XKR4: variants seen among roughly 807,000 people sequenced by gnomAD.
XKR4 encodes the protein XK-related protein 4.
A neutral mutation model predicts 53.9 loss-of-function variants in XKR4; 12 were observed. That is an observed-to-expected ratio of 0.22 (90% CI 0.14 to 0.36). The LOEUF is 0.36. Among genes scored for constraint, XKR4 ranks in the 10% least tolerant of loss-of-function variants. The pLI, the probability that XKR4 is intolerant of heterozygous loss-of-function variation, is 1.00. For synonymous variants in XKR4, 354 were observed against 362.4 expected (o/e 0.98, Z 0.26); for missense variants, 799 against 859.5 (o/e 0.93, Z 0.88).
chr8:55,218,336 G>A (rs1210261407), intron 1 of XKR4, among the ~76,000 whole-genome samples: 1 of 152,150 alleles, frequency 6.6e-6, no homozygotes, highest in Non-Finnish European at 1.5e-5. Flanking sequence ...CTAGAAAAAG[G>A]AAGCATTTCA....
chr8:55,387,721 GA>G (rs1804344057), intron 2 of XKR4, among the ~76,000 whole-genome samples: 1 of 152,218 alleles, frequency 6.6e-6, no homozygotes, highest in Non-Finnish European at 1.5e-5. Context: ...ACTGGTGGGA[GA>G]GGGGAACCAC....
intron 2 of XKR4, among the ~76,000 whole-genome samples, chr8:55,463,972 A>G (rs1475287872): frequency 2.6e-5 from 4 of 152,176 alleles, no homozygotes; most frequent in Admixed American, 2.6e-4. Flanking sequence ...TCTGAAATTG[A>G]GGCAATAATT....
At chr8:55,217,464 G>T (rs1051039189) in intron 1 of XKR4, among the ~76,000 whole-genome samples, 3 of 152,110 alleles carry the variant, frequency 2.0e-5, no homozygotes, top group African/African-American at 4.8e-5. Flanking sequence ...CCTACATACT[G>T]CCAGTAAGAG....
At chr8:55,398,909 G>T (rs1199659133) in intron 2 of XKR4, among the ~76,000 whole-genome samples, 1 of 152,172 alleles carries the variant, frequency 6.6e-6, no homozygotes, top group African/African-American at 2.4e-5. Context: ...ATGTTTTAGT[G>T]CATGTGGAGC....
intron 1 of XKR4, among the ~76,000 whole-genome samples, chr8:55,261,380 AAT>A (rs779929227): frequency 6.6e-5 from 10 of 152,222 alleles, no homozygotes; most frequent in Non-Finnish European, 1.0e-4. Flanking sequence ...GATAACTTAA[AAT>A]ATGTTTTCTA....
chr8:55,280,511 C>T (rs1193971511), intron 1 of XKR4, among the ~76,000 whole-genome samples: 3 of 152,176 alleles, frequency 2.0e-5, no homozygotes, highest in Non-Finnish European at 4.4e-5. Context: ...TGCATCTATC[C>T]CCCTCATCTT....
intron 2 of XKR4, among the ~76,000 whole-genome samples, chr8:55,515,247 T>C (rs1806694987): frequency 6.6e-6 from 1 of 152,188 alleles, no homozygotes; most frequent in Non-Finnish European, 1.5e-5. Context: ...TTAAAGCATT[T>C]AAATATTTTT....
intron 1 of XKR4, among the ~76,000 whole-genome samples, chr8:55,257,083 C>A (rs1412608262): frequency 6.6e-6 from 1 of 152,160 alleles, no homozygotes; most frequent in Admixed American, 6.6e-5. Context: ...TCTCTTAATA[C>A]CATCACATTG....
intron 1 of XKR4, among the ~76,000 whole-genome samples, chr8:55,266,811 C>G (rs999453475): frequency 6.6e-6 from 1 of 152,174 alleles, no homozygotes; most frequent in Non-Finnish European, 1.5e-5. Flanking sequence ...GACCCCTCCT[C>G]TGAGTTTGTC....
At chr8:55,241,769 G>T (rs1187809815) in intron 1 of XKR4, among the ~76,000 whole-genome samples, 2 of 152,114 alleles carry the variant, frequency 1.3e-5, no homozygotes, top group Non-Finnish European at 2.9e-5. Context: ...TCCAGAGGTG[G>T]ATTTTAATCT....
At chr8:55,443,617 A>G (rs1585575608) in intron 2 of XKR4, among the ~76,000 whole-genome samples, 1 of 148,626 alleles carries the variant, frequency 6.7e-6, no homozygotes, top group African/African-American at 2.5e-5. Flanking sequence ...GCCGAGGCAG[A>G]TGGATCATGA....
chr8:55,477,656 G>GA (rs1053928106), intron 2 of XKR4, among the ~76,000 whole-genome samples: 7 of 151,826 alleles, frequency 4.6e-5, no homozygotes, highest in East Asian at 1.9e-4. Context: ...TAAAAACGGT[G>GA]AAAAAAAATT....
intron 2 of XKR4, among the ~76,000 whole-genome samples, chr8:55,493,162 A>G (rs549143384): frequency 1.3e-5 from 2 of 152,306 alleles, no homozygotes; most frequent in Admixed American, 1.3e-4. Flanking sequence ...TAAATTAAGG[A>G]ATTAAGAGAC....
chr8:55,481,211 A>G (rs4738163), intron 2 of XKR4, among the ~76,000 whole-genome samples: 116,429 of 151,978 alleles, frequency 0.77, 45,359 homozygotes, highest in African/African-American at 0.91. Context: ...TAAGATCAAC[A>G]AAACAGAACA....
At chr8:55,343,849 G>T (rs1285348727) in intron 1 of XKR4, among the ~76,000 whole-genome samples, 2 of 152,176 alleles carry the variant, frequency 1.3e-5, no homozygotes, top group African/African-American at 2.4e-5. Flanking sequence ...ATGAATGAAT[G>T]AATAAATAAT....
rs930759385 is a variant in XKR4 at position 55,535,191 on chromosome 8, G to T, written c.*10964G>T. 6.6e-6 allele frequency: 1 copy of T among 150,778 alleles called. No homozygotes were observed. The allele number at this position is 150,778 out of a possible 1,614,324, so 9.3% of individuals were successfully genotyped here. On this transcript the variant is annotated 3_prime_UTR_variant, in exon 3 of 3. Coordinates refer to ENST00000327381, the MANE Select transcript of XKR4 (RefSeq NM_052898.2). Reference sequence around the variant, plus strand: ...TGAAATAAAATGGGGACAAAAAGTGGTCTACCACCATGTGACTTATTTTCT... The same window carrying T: ...TGAAATAAAATGGGGACAAAAAGTGTTCTACCACCATGTGACTTATTTTCT...
In XKR4 at chr8:55,299,752, G is replaced by C. The variant is rs966956644; in HGVS notation, c.807-57926G>C. Among the ~76,000 whole-genome samples, 6 of 152,170 alleles carry C rather than the reference G, an allele frequency of 3.9e-5. No individual in the cohort carries two copies. The South Asian group carries it at 8.3e-4, about 21-fold the overall frequency. On this transcript the variant is annotated intron_variant, in intron 1 of 2. Transcript: ENST00000327381. ...ATTCTGTTGTGTGCGCTGAATGTCA[G>C]GTGCCTGATCCTCTAAGGCTGGAGG...
chr8:55,180,486 G>A (rs1335467527), intron 1 of XKR4, among the ~76,000 whole-genome samples: 38 of 152,154 alleles, frequency 2.5e-4, no homozygotes, highest in Admixed American at 2.4e-3. Context: ...AAAGGAACTT[G>A]GGAGACATTT....
At chr8:55,115,717 G>T (rs771373445) in intron 1 of XKR4, among the ~76,000 whole-genome samples, 1 of 151,938 alleles carries the variant, frequency 6.6e-6, no homozygotes, top group African/African-American at 2.4e-5. Context: ...TGAAGGTGGA[G>T]GTTGCAGTGA....
Sources: allele counts gnomAD v4.1 joint callset (sites outside exome capture counted in the v4.1 genomes callset), GRCh38; gene constraint gnomAD v4.1.1; transcripts MANE v1.5; gene names NCBI Gene and HGNC (gene_info 2026-07-23, HGNC 2026-07-21).